Variants in NAALADL2 observed in about 807,000 individuals in gnomAD.
NAALADL2 encodes inactive N-acetylated-alpha-linked acidic dipeptidase-like protein 2.
A neutral mutation model predicts 87.2 loss-of-function variants in NAALADL2; 76 were observed. The ratio of observed to expected loss-of-function variants is 0.87; its 90% CI spans 0.72 to 1.05. The LOEUF (loss-of-function observed/expected upper bound fraction) is 1.05, where lower values mean the gene tolerates loss of function less well. Among genes scored for constraint, NAALADL2 ranks in the 50% least tolerant of loss-of-function variants. The pLI is 0.00. For synonymous variants in NAALADL2, 354 were observed against 331.0 expected (o/e 1.07, Z -0.75); for missense variants, 1,089 against 945.8 (o/e 1.15, Z -1.99).
chr3:175,803,252 A>G lies in NAALADL2; in HGVS notation c.*49A>G. ...GTTTGTTTACAATTCCACAAGCAAAAGCTCTAATTTAACCAGATTTTCTGA... is the reference window on the plus strand; with the variant it reads ...GTTTGTTTACAATTCCACAAGCAAAGGCTCTAATTTAACCAGATTTTCTGA... On this transcript the variant is annotated 3_prime_UTR_variant, in exon 14 of 14. Transcript: ENST00000454872. 7.1e-7 allele frequency: 1 copy of G among 1,413,292 alleles called. No individual in the cohort carries two copies. The highest frequency in any genetic ancestry group is 2.1e-5 in the Admixed American group (1 of 47,202). The allele number at this position is 1,413,292 out of a possible 1,614,324, so 87.5% of individuals were successfully genotyped here. A position where few individuals can be genotyped will look rare whatever the true frequency, so the allele number is the denominator to read the frequency against.
At chr3:174,766,418 T>C (rs1425358818) in intron 3 of NAALADL2, among the ~76,000 whole-genome samples, 1 of 152,186 alleles carries the variant, frequency 6.6e-6, no homozygotes, top group Admixed American at 6.5e-5. Context: ...GCTCAGGCTC[T>C]TGCGAGGTGT....
At chr3:175,024,176 G>A (rs958562805) in intron 1 of NAALADL2, among the ~76,000 whole-genome samples, 1 of 151,704 alleles carries the variant, frequency 6.6e-6, no homozygotes, top group African/African-American at 2.4e-5. Flanking sequence ...GTAAACCACG[G>A]GACACTTTAT....
chr3:175,371,919 C>T (rs1227603112), intron 5 of NAALADL2, among the ~76,000 whole-genome samples: 3 of 152,012 alleles, frequency 2.0e-5, no homozygotes, highest in Non-Finnish European at 2.9e-5. Context: ...ATCCACAAAG[C>T]GTTCCTTCTA....
chr3:175,367,871 G>C (rs1765856143), intron 5 of NAALADL2, among the ~76,000 whole-genome samples: 2 of 152,196 alleles, frequency 1.3e-5, no homozygotes, highest in Non-Finnish European at 2.9e-5. Flanking sequence ...TGATTGCCCT[G>C]GCCAGAACTT....
chr3:174,534,094 C>T (rs956928050), intron 1 of NAALADL2, among the ~76,000 whole-genome samples: 10 of 152,092 alleles, frequency 6.6e-5, no homozygotes, highest in African/African-American at 1.9e-4. Flanking sequence ...AAAATTGGAA[C>T]AAATTAGTAC....
intron 5 of NAALADL2, among the ~76,000 whole-genome samples, chr3:175,369,338 C>T (rs923393891): frequency 1.8e-4 from 28 of 151,600 alleles, no homozygotes; most frequent in South Asian, 4.2e-4. Context: ...TGCCTGTGTG[C>T]GTGTGTGTAC....
At chr3:174,628,913 C>T (rs750542263) in intron 2 of NAALADL2, among the ~76,000 whole-genome samples, 2 of 152,062 alleles carry the variant, frequency 1.3e-5, no homozygotes, top group South Asian at 2.1e-4. Flanking sequence ...TCTTTTCTTC[C>T]CATGAACAGT....
At chr3:174,514,665 T>C (rs1719811567) in intron 1 of NAALADL2, among the ~76,000 whole-genome samples, 1 of 152,132 alleles carries the variant, frequency 6.6e-6, no homozygotes, top group African/African-American at 2.4e-5. Flanking sequence ...AGGAGTATAT[T>C]TGCTTTTATG....
intron 1 of NAALADL2, among the ~76,000 whole-genome samples, chr3:174,518,741 C>A (rs1427603358): frequency 6.6e-6 from 1 of 152,140 alleles, no homozygotes. Context: ...TCTTTCCCTA[C>A]CCATTTGACT....
At chr3:175,239,854 G>GT (rs954594780) in intron 3 of NAALADL2, among the ~76,000 whole-genome samples, 9 of 152,188 alleles carry the variant, frequency 5.9e-5, no homozygotes, top group African/African-American at 9.6e-5. Context: ...TAACTTTAAC[G>GT]TTTTTTGTGG....
At chr3:175,182,924 G>A (rs1736808859) in intron 2 of NAALADL2, among the ~76,000 whole-genome samples, 1 of 152,016 alleles carries the variant, frequency 6.6e-6, no homozygotes, top group South Asian at 2.1e-4. Flanking sequence ...TATGATGTGA[G>A]ATTCTTTTTA....
chr3:175,341,086 C>A (rs1762524734), intron 5 of NAALADL2, among the ~76,000 whole-genome samples: 1 of 151,704 alleles, frequency 6.6e-6, no homozygotes, highest in Non-Finnish European at 1.5e-5. Context: ...CAGAGTTCTG[C>A]AAAAATCATC....
chr3:175,118,463 A>G (rs1422963736), intron 2 of NAALADL2, among the ~76,000 whole-genome samples: 1 of 151,674 alleles, frequency 6.6e-6, no homozygotes, highest in African/African-American at 2.4e-5. Flanking sequence ...GAAAAACTAT[A>G]AATTATCACT....
chr3:175,376,507 G>A (rs1767145170), intron 5 of NAALADL2, among the ~76,000 whole-genome samples: 1 of 152,034 alleles, frequency 6.6e-6, no homozygotes, highest in Non-Finnish European at 1.5e-5. Context: ...TTTCCTGTAT[G>A]TGGAAAGCAA....
At chr3:175,030,472 A>T (rs928538869) in intron 1 of NAALADL2, among the ~76,000 whole-genome samples, 1 of 152,094 alleles carries the variant, frequency 6.6e-6, no homozygotes, top group African/African-American at 2.4e-5. Flanking sequence ...ATTATGTATC[A>T]TGTAGACTAG....
intron 1 of NAALADL2, among the ~76,000 whole-genome samples, chr3:174,451,847 T>G (rs1273304085): frequency 1.5e-5 from 1 of 66,700 alleles, no homozygotes; most frequent in African/African-American, 4.9e-5. Flanking sequence ...GTGGGAGTTT[T>G]TTTTTTTTTT....
chr3:175,307,929 C>A (rs1019318625), intron 4 of NAALADL2, among the ~76,000 whole-genome samples: 1 of 152,050 alleles, frequency 6.6e-6, no homozygotes, highest in Non-Finnish European at 1.5e-5. Context: ...ACAACATGAG[C>A]AAAACTTATT....
At chr3:175,547,804 T>G (rs552504070) in intron 9 of NAALADL2, among the ~76,000 whole-genome samples, 12 of 86,790 alleles carry the variant, frequency 1.4e-4, no homozygotes, top group African/African-American at 3.6e-4. Context: ...GAAAAAAAGC[T>G]CAACATCACT....
At chr3:175,591,410 G>A (rs1342381229) in intron 10 of NAALADL2, among the ~76,000 whole-genome samples, 2 of 151,904 alleles carry the variant, frequency 1.3e-5, no homozygotes, top group East Asian at 1.9e-4. Flanking sequence ...GGGAAAAAAT[G>A]GAAAGGAACA....
Sources: allele counts gnomAD v4.1 joint callset (sites outside exome capture counted in the v4.1 genomes callset), GRCh38; gene constraint gnomAD v4.1.1; transcripts MANE v1.5; gene names NCBI Gene and HGNC (gene_info 2026-07-23, HGNC 2026-07-21).